Variants in KIAA1958 observed in about 807,000 individuals in gnomAD.
KIAA1958 encodes KIAA1958.
KIAA1958 carries 14 observed loss-of-function variants against 47.2 expected under a neutral mutation model. The observed-to-expected ratio is 0.30, with a 90% CI of 0.20 to 0.46. The LOEUF (loss-of-function observed/expected upper bound fraction) is 0.46. Ranked by LOEUF, KIAA1958 falls within the 20% of genes least tolerant of loss-of-function variation. The pLI, the probability that KIAA1958 is intolerant of heterozygous loss-of-function variation, is 1.00. For synonymous variants in KIAA1958, 354 were observed against 353.3 expected (o/e 1.00, Z -0.02); for missense variants, 803 against 909.2 (o/e 0.88, Z 1.50).
chr9:112,662,302 T>C lies in KIAA1958; in HGVS notation c.*2233T>C, dbSNP rs1837289209. 1 of 152,240 alleles carries C rather than the reference T, an allele frequency of 6.6e-6. No homozygotes were observed. The allele number at this position is 152,240 out of a possible 1,614,324, so 9.4% of individuals were successfully genotyped here. On this transcript the variant is annotated 3_prime_UTR_variant, in exon 4 of 4. Transcript: ENST00000337530. ...TGTGTCTGAGCAGCCTAAAAGCTGT[T>C]TGTGACATGCCACCTTGGGAAACAA...
At chr9:112,622,601 A>G (rs1288029737) in intron 2 of KIAA1958, among the ~76,000 whole-genome samples, 1 of 152,234 alleles carries the variant, frequency 6.6e-6, no homozygotes, top group Non-Finnish European at 1.5e-5. Context: ...TTATAAATAT[A>G]TATCAGCAAT....
At chr9:112,559,838 C>T (rs1436710872) in intron 1 of KIAA1958, among the ~76,000 whole-genome samples, 1 of 152,134 alleles carries the variant, frequency 6.6e-6, no homozygotes, top group Non-Finnish European at 1.5e-5. Context: ...CATGTCAAAT[C>T]TCGCCCATTG....
At chr9:112,507,231 A>G (rs982319246) in intron 1 of KIAA1958, among the ~76,000 whole-genome samples, 1 of 152,210 alleles carries the variant, frequency 6.6e-6, no homozygotes, top group Non-Finnish European at 1.5e-5. Flanking sequence ...TGACTCTCAA[A>G]TAGCCCCTGT....
chr9:112,548,352 C>T (rs1360353755), intron 1 of KIAA1958, among the ~76,000 whole-genome samples: 2 of 152,150 alleles, frequency 1.3e-5, no homozygotes, highest in African/African-American at 4.8e-5. Flanking sequence ...TTCTGCCTTT[C>T]TGGACCAAAT....
At chr9:112,529,585 T>G (rs1031646036) in intron 1 of KIAA1958, among the ~76,000 whole-genome samples, 10 of 152,226 alleles carry the variant, frequency 6.6e-5, no homozygotes, top group African/African-American at 2.2e-4. Flanking sequence ...AATTTGGGTT[T>G]GTATATTTTT....
chr9:112,651,358 C>CTA (rs756644401), intron 3 of KIAA1958, among the ~76,000 whole-genome samples: 1 of 149,042 alleles, frequency 6.7e-6, no homozygotes, highest in Middle Eastern at 3.5e-3. Context: ...ATATTTAATT[C>CTA]TATATATATA....
At chr9:112,596,101 AT>A (rs1242040593) in intron 2 of KIAA1958, among the ~76,000 whole-genome samples, 1 of 152,162 alleles carries the variant, frequency 6.6e-6, no homozygotes, top group Non-Finnish European at 1.5e-5. Flanking sequence ...ATTTTTACAT[AT>A]GGAGTATACA....
chr9:112,490,709 G>T (rs1833953630), intron 1 of KIAA1958, among the ~76,000 whole-genome samples: 1 of 152,190 alleles, frequency 6.6e-6, no homozygotes, highest in African/African-American at 2.4e-5. Context: ...TCTGGAGAAA[G>T]GCAAATTATG....
rs563568583 is a variant in KIAA1958 at position 112,633,452 on chromosome 9, G to A, written c.1172-12198G>A. ...TTAGGTTTGCATACACATTTTTAAA[G>A]GAATTTTTAAGGATTTTTTAATGTT... On this transcript the variant is annotated intron_variant, in intron 2 of 3. Coordinates refer to ENST00000337530, the MANE Select transcript of KIAA1958 (RefSeq NM_133465.4). Among the ~76,000 whole-genome samples, 471 of 152,050 alleles carry A rather than the reference G, an allele frequency of 3.1e-3. 4 individuals are homozygous for A. The highest frequency in any genetic ancestry group is 0.011 in the African/African-American group (445 of 41,476).
intron 1 of KIAA1958, among the ~76,000 whole-genome samples, chr9:112,539,138 T>C (rs371286909): frequency 1.3e-4 from 20 of 152,344 alleles, no homozygotes; most frequent in African/African-American, 4.8e-4. Context: ...CAGTCTAGCA[T>C]TTCCTGAAAT....
chr9:112,497,964 G>T (rs770307443), intron 1 of KIAA1958, among the ~76,000 whole-genome samples: 6 of 151,948 alleles, frequency 3.9e-5, no homozygotes, highest in Admixed American at 1.3e-4. Flanking sequence ...TTGATCAAAG[G>T]GGACAAATAC....
intron 1 of KIAA1958, among the ~76,000 whole-genome samples, chr9:112,547,377 CAAAAAAAAA>C (rs58406658): frequency 3.6e-5 from 3 of 84,026 alleles, no homozygotes; most frequent in Non-Finnish European, 2.3e-5. Context: ...GACTCTGTCT[CAAAAAAAAA>C]AAAAAAAAAA....
At chr9:112,626,574 G>C (rs1222455389) in intron 2 of KIAA1958, among the ~76,000 whole-genome samples, 1 of 152,030 alleles carries the variant, frequency 6.6e-6, no homozygotes, top group Non-Finnish European at 1.5e-5. Flanking sequence ...TGTGTATACT[G>C]TGTTTTAGTG....
chr9:112,503,946 T>C (rs2132768763), intron 1 of KIAA1958, among the ~76,000 whole-genome samples: 1 of 151,070 alleles, frequency 6.6e-6, no homozygotes, highest in East Asian at 1.9e-4. Context: ...TATATATATA[T>C]TTGCCATGCT....
At chr9:112,515,888 AT>A (rs1213282197) in intron 1 of KIAA1958, among the ~76,000 whole-genome samples, 23 of 53,560 alleles carry the variant, frequency 4.3e-4, no homozygotes, top group African/African-American at 1.7e-3. Context: ...CAATAAAAAA[AT>A]AAATTAAAAA....
chr9:112,534,483 A>G (rs767664890), intron 1 of KIAA1958, among the ~76,000 whole-genome samples: 2 of 149,334 alleles, frequency 1.3e-5, no homozygotes, highest in Non-Finnish European at 1.5e-5. Flanking sequence ...GTTTTTTCCT[A>G]CTGTGAAATA....
intron 2 of KIAA1958, among the ~76,000 whole-genome samples, chr9:112,628,928 T>C (rs1225838679): frequency 1.3e-5 from 2 of 152,172 alleles, no homozygotes; most frequent in African/African-American, 4.8e-5. Flanking sequence ...AAAATGTAAC[T>C]CTAACCCCGT....
At chr9:112,619,887 A>G (rs1020809881) in intron 2 of KIAA1958, among the ~76,000 whole-genome samples, 3 of 152,186 alleles carry the variant, frequency 2.0e-5, no homozygotes, top group Non-Finnish European at 2.9e-5. Context: ...TTCAAAGTTC[A>G]TATTCCCTGA....
chr9:112,657,512 T>C (rs1837170015), intron 3 of KIAA1958, among the ~76,000 whole-genome samples: 1 of 152,260 alleles, frequency 6.6e-6, no homozygotes, highest in African/African-American at 2.4e-5. Flanking sequence ...ATATTTATTA[T>C]GTATATTTAG....
Sources: gnomAD v4.1 joint callset for allele counts (sites outside exome capture counted in the v4.1 genomes callset) on GRCh38, gnomAD v4.1.1 for gene constraint, MANE v1.5 for transcripts, NCBI Gene and HGNC (gene_info 2026-07-23, HGNC 2026-07-21) for gene names.